Variants in PCDHGA6 observed in about 807,000 individuals in gnomAD.
PCDHGA6 encodes protocadherin gamma subfamily A, 6.
PCDHGA6 carries 41 observed loss-of-function variants against 60.6 expected under a neutral mutation model. That is an observed-to-expected ratio of 0.68 (90% confidence interval 0.53 to 0.88). PCDHGA6 has a LOEUF of 0.88. Among genes scored for constraint, PCDHGA6 ranks in the 40% least tolerant of loss-of-function variants. The pLI, the probability that PCDHGA6 is intolerant of heterozygous loss-of-function variation, is 0.00. For synonymous variants in PCDHGA6, 594 were observed against 524.4 expected (o/e 1.13, Z -1.81); for missense variants, 1,312 against 1,203.0 (o/e 1.09, Z -1.34).
At chr5:141,469,142 G>A (rs1473440049) in intron 1 of PCDHGA6, among the ~76,000 whole-genome samples, 3 of 152,024 alleles carry the variant, frequency 2.0e-5, no homozygotes, top group East Asian at 1.9e-4. Flanking sequence ...CAGAAATGGT[G>A]GCACATGTCT....
In PCDHGA6 at chr5:141,489,203, C is replaced by A; in HGVS notation, c.2425-5604C>A. On this transcript the variant is annotated intron_variant, in intron 1 of 3. Transcript: ENST00000517434. The surrounding 1 kb of genome is among the most constrained non-coding windows in gnomAD (Gnocchi z 4.5). ...CCCTGGGTCTACCTTGGAGACAGGA[C>A]AGCACAGACTTACTCTCCACAAAGG... is the stretch of plus-strand genomic sequence containing the variant. 7.1e-7 allele frequency: 1 copy of A among 1,414,834 alleles called. No individual in the cohort carries two copies. Among genetic ancestry groups the A allele is most frequent in the Non-Finnish European group, 9.6e-7 (1 of 1,040,052 alleles). The allele number at this position is 1,414,834 out of a possible 1,614,324, so 87.6% of individuals were successfully genotyped here.
intron 1 of PCDHGA6, among the ~76,000 whole-genome samples, chr5:141,445,902 T>C (rs1022574381): frequency 3.9e-5 from 6 of 152,186 alleles, no homozygotes; most frequent in Non-Finnish European, 8.8e-5. Context: ...TTAAAATATT[T>C]TAAACAAGGC....
intron 1 of PCDHGA6, among the ~76,000 whole-genome samples, chr5:141,439,599 G>A (rs1319524199): frequency 6.6e-6 from 1 of 152,146 alleles, no homozygotes; most frequent in Non-Finnish European, 1.5e-5. Flanking sequence ...TGGCCAGTCT[G>A]GAAACAGAGA....
chr5:141,412,209 T>G (rs917646798), intron 1 of PCDHGA6: 2 of 152,248 alleles, frequency 1.3e-5, no homozygotes. Flanking sequence ...TCATTTGACA[T>G]AAACACTTAC....
chr5:141,391,493 G>A (rs949161885), intron 1 of PCDHGA6: 1 of 151,954 alleles, frequency 6.6e-6, no homozygotes, highest in Non-Finnish European at 1.5e-5. Context: ...TCTGTTTTCA[G>A]TAGAGAAAAT....
chr5:141,376,252 C>G lies in PCDHGA6; in HGVS notation c.2169C>G (p.Arg723=), dbSNP rs756828511. 1 of 1,614,248 alleles carries G rather than the reference C, an allele frequency of 6.2e-7. No homozygotes were observed. The highest frequency in any genetic ancestry group is 8.5e-7 in the Non-Finnish European group (1 of 1,180,056). ...ALRLQRWHKS[R]LLQASGGGLA... ...GACTGCAGCGCTGGCACAAGTCACGCCTGCTGCAGGCTTCGGGAGGTGGCT... is the reference window on the plus strand; with the variant it reads ...GACTGCAGCGCTGGCACAAGTCACGGCTGCTGCAGGCTTCGGGAGGTGGCT... The change falls in exon 1 of 4, where the codon CGC becomes CGG. Residue 723 remains arginine, a synonymous_variant. Coordinates refer to ENST00000517434, the MANE Select transcript of PCDHGA6 (RefSeq NM_018919.3).
chr5:141,383,406 T>G lies in PCDHGA6; in HGVS notation c.2424+6899T>G, dbSNP rs780989648. 25 of 1,613,866 alleles carry G rather than the reference T, an allele frequency of 1.5e-5. No individual in the cohort carries two copies. In the African/African-American group the frequency reaches 3.2e-4, roughly 21 times the overall value. ...ATGTGGGCACGAACTCCCTCCAGAG[T>G]TACCAGCTCAGCCCCAATCGCCACT... On this transcript the variant is annotated intron_variant, in intron 1 of 3. Coordinates refer to ENST00000517434, the MANE Select transcript of PCDHGA6 (RefSeq NM_018919.3).
At chr5:141,448,707 G>A (rs1455790773) in intron 1 of PCDHGA6, among the ~76,000 whole-genome samples, 4 of 152,228 alleles carry the variant, frequency 2.6e-5, no homozygotes, top group South Asian at 2.1e-4. Flanking sequence ...TTGGGAGGCC[G>A]AGGCGGGAGG....
In PCDHGA6 at chr5:141,417,676, C is replaced by G. The variant is rs902104404; in HGVS notation, c.2424+41169C>G. The G allele has an allele frequency of 1.7e-5, 17 of 993,450 alleles. No individual in the cohort carries two copies. The African/African-American group carries it at 2.8e-4, about 16-fold the overall frequency. The allele number at this position is 993,450 out of a possible 1,614,324, so 61.5% of individuals were successfully genotyped here. ...AGCCTGGGATTCCCTGCGCAGCCAACAACAGAAAAGAAAACCAGCTCCCAC... is the reference window on the plus strand; with the variant it reads ...AGCCTGGGATTCCCTGCGCAGCCAAGAACAGAAAAGAAAACCAGCTCCCAC... On this transcript the variant is annotated intron_variant, in intron 1 of 3. Transcript: ENST00000517434.
intron 1 of PCDHGA6, chr5:141,399,825 C>T (rs1439243162): frequency 1.9e-6 from 3 of 1,613,178 alleles, no homozygotes; most frequent in Non-Finnish European, 2.5e-6. Flanking sequence ...TGGGTCCCGA[C>T]GGCTCTGCGC....
rs1033888717 is a variant in PCDHGA6 at position 141,512,540 on chromosome 5, T to C, written c.*1367T>C. 6.5e-6 allele frequency: 1 copy of C among 152,886 alleles called. No homozygotes were observed. Among genetic ancestry groups the C allele is most frequent in the African/African-American group, 2.4e-5 (1 of 41,476 alleles). 9.5% of individuals were successfully genotyped at this position (152,886 alleles called of 1,614,324 possible). ...CCATAGCCTGGTTAAAGTTCCCCAGTGCCTCCTTGTGCATAGACCTTCTTC... is the reference window on the plus strand; with the variant it reads ...CCATAGCCTGGTTAAAGTTCCCCAGCGCCTCCTTGTGCATAGACCTTCTTC... On this transcript the variant is annotated 3_prime_UTR_variant, in exon 4 of 4. Transcript: ENST00000517434.
At chr5:141,394,692 C>T (rs1356120664) in intron 1 of PCDHGA6, 1 of 1,613,028 alleles carries the variant, frequency 6.2e-7, no homozygotes, top group Non-Finnish European at 8.5e-7. Context: ...GGGCGAGGTG[C>T]GCACGGCGCG....
In PCDHGA6 at chr5:141,410,925, C is replaced by T. The variant is rs576126485; in HGVS notation, c.2424+34418C>T. The T allele has an allele frequency of 2.3e-5, 5 of 217,506 alleles. No individual in the cohort carries two copies. The East Asian group carries it at 5.8e-4, about 25-fold the overall frequency. 13.5% of individuals were successfully genotyped at this position (217,506 alleles called of 1,614,324 possible). Reference sequence around the variant, plus strand: ...CTGGAGTGCAGTGGCGTGATCTCTGCTCACTGCAACCTCCGCCTTCTGGGT... The same window carrying T: ...CTGGAGTGCAGTGGCGTGATCTCTGTTCACTGCAACCTCCGCCTTCTGGGT... On this transcript the variant is annotated intron_variant, in intron 1 of 3. Coordinates refer to ENST00000517434, the MANE Select transcript of PCDHGA6 (RefSeq NM_018919.3).
At chr5:141,433,352 T>G (rs976015031) in intron 1 of PCDHGA6, 1 of 614,162 alleles carries the variant, frequency 1.6e-6, no homozygotes, top group Admixed American at 3.0e-5. Flanking sequence ...AGCCACCTAC[T>G]GTCTGCCTAT....
intron 1 of PCDHGA6, chr5:141,410,073 G>T: frequency 6.2e-7 from 1 of 1,612,940 alleles, no homozygotes; most frequent in South Asian, 1.1e-5. Context: ...CTGCGCACTG[G>T]GGAGGTGCGC....
chr5:141,443,308 C>T (rs1484035480), intron 1 of PCDHGA6, among the ~76,000 whole-genome samples: 7 of 136,252 alleles, frequency 5.1e-5, no homozygotes, highest in African/African-American at 2.2e-4. Context: ...TGGCAAAAAC[C>T]CATCTCTACA....
chr5:141,454,874 C>A (rs1002727777), intron 1 of PCDHGA6, among the ~76,000 whole-genome samples: 4 of 123,066 alleles, frequency 3.3e-5, no homozygotes, highest in African/African-American at 1.2e-4. Flanking sequence ...GTGGCACGAT[C>A]TTGGCTCACT....
chr5:141,408,729 C>T (rs767933076), intron 1 of PCDHGA6: 9 of 1,610,240 alleles, frequency 5.6e-6, no homozygotes, highest in Non-Finnish European at 7.6e-6. Flanking sequence ...AACTCTAATC[C>T]TTATTTTTCA....
At position 141,406,382 on chromosome 5, in the gene PCDHGA6, G is replaced by A. The variant is rs189693155; in HGVS notation, c.2424+29875G>A. Reference sequence around the variant, plus strand: ...TTTGTAAGGGTAAACTGATAAAAAGGTAAATGTATTCTTCTTAGAGAAACA... The same window carrying A: ...TTTGTAAGGGTAAACTGATAAAAAGATAAATGTATTCTTCTTAGAGAAACA... On this transcript the variant is annotated intron_variant, in intron 1 of 3. Transcript: ENST00000517434. Among the ~76,000 whole-genome samples, 63 of 152,232 alleles carry A rather than the reference G, an allele frequency of 4.1e-4. 1 individual carries two copies. Among genetic ancestry groups the A allele is most frequent in the African/African-American group, 1.4e-3 (60 of 41,554 alleles).
Sources: allele counts gnomAD v4.1 joint callset (sites outside exome capture counted in the v4.1 genomes callset), GRCh38; gene constraint gnomAD v4.1.1; non-coding constraint Gnocchi (gnomAD v3.1); transcripts MANE v1.5; gene names NCBI Gene and HGNC (gene_info 2026-07-23, HGNC 2026-07-21).